AGBL4: variants seen among roughly 807,000 people sequenced by gnomAD.
AGBL4 encodes cytosolic carboxypeptidase 6.
In AGBL4, 58 loss-of-function variants were observed where a neutral mutation model predicts 66.4. The ratio of observed to expected loss-of-function variants is 0.87; its 90% CI spans 0.71 to 1.09. AGBL4 has a LOEUF of 1.09. AGBL4 is among the 50% of genes least tolerant of loss of function. AGBL4 has a pLI of 0.00. For missense variants in AGBL4, 579 were observed against 631.0 expected (o/e 0.92, Z 0.88); for synonymous variants, 234 against 222.9 (o/e 1.05, Z -0.44).
At chr1:48,808,882 C>A (rs1429203249) in intron 6 of AGBL4, among the ~76,000 whole-genome samples, 1 of 152,168 alleles carries the variant, frequency 6.6e-6, no homozygotes, top group Non-Finnish European at 1.5e-5. Context: ...CAGAAAGCTC[C>A]TTTTATATCT....
chr1:49,714,585 T>C (rs2124669254), intron 2 of AGBL4, among the ~76,000 whole-genome samples: 1 of 149,016 alleles, frequency 6.7e-6, no homozygotes, highest in Admixed American at 6.7e-5. Flanking sequence ...TATATATATA[T>C]ATATATATAC....
intron 3 of AGBL4, among the ~76,000 whole-genome samples, chr1:49,306,623 G>A (rs1220996210): frequency 6.6e-6 from 1 of 152,150 alleles, no homozygotes; most frequent in Non-Finnish European, 1.5e-5. Flanking sequence ...GATTGGCTCA[G>A]CTTGGGTCAG....
intron 11 of AGBL4, among the ~76,000 whole-genome samples, chr1:48,561,095 C>T (rs1241188829): frequency 6.6e-6 from 1 of 152,210 alleles, no homozygotes; most frequent in East Asian, 1.9e-4. Flanking sequence ...AAATTCTCTA[C>T]CTGCTAAATT....
chr1:48,952,572 A>T (rs1455920153), intron 5 of AGBL4, among the ~76,000 whole-genome samples: 1 of 152,228 alleles, frequency 6.6e-6, no homozygotes, highest in Non-Finnish European at 1.5e-5. Context: ...ATATTCTCGC[A>T]AACACACAAG....
chr1:49,493,264 A>T (rs1338980847), intron 3 of AGBL4, among the ~76,000 whole-genome samples: 1 of 151,994 alleles, frequency 6.6e-6, no homozygotes. Flanking sequence ...CAATTCCTTG[A>T]AATAGTTATT....
intron 4 of AGBL4, among the ~76,000 whole-genome samples, chr1:49,119,618 C>A (rs537380135): frequency 6.6e-6 from 1 of 152,232 alleles, no homozygotes; most frequent in East Asian, 1.9e-4. Flanking sequence ...TTACTTCCAA[C>A]TATGTGGTCA....
chr1:49,615,927 C>T (rs11205633), intron 3 of AGBL4, among the ~76,000 whole-genome samples: 104,384 of 151,952 alleles, frequency 0.69, 36,632 homozygotes, highest in African/African-American at 0.78. Flanking sequence ...CACTATTTAG[C>T]TGGGCACACA....
At chr1:48,940,187 G>A (rs1219483836) in intron 5 of AGBL4, among the ~76,000 whole-genome samples, 1 of 152,174 alleles carries the variant, frequency 6.6e-6, no homozygotes, top group Non-Finnish European at 1.5e-5. Context: ...AAACCAGCCT[G>A]GCCAACATGG....
intron 4 of AGBL4, among the ~76,000 whole-genome samples, chr1:49,053,229 T>C (rs1344236829): frequency 6.6e-6 from 1 of 151,978 alleles, no homozygotes; most frequent in Non-Finnish European, 1.5e-5. Flanking sequence ...AAAGTGAAAA[T>C]GGATGGGGTC....
At chr1:49,133,898 T>A (rs1356743566) in intron 4 of AGBL4, among the ~76,000 whole-genome samples, 2 of 152,110 alleles carry the variant, frequency 1.3e-5, no homozygotes, top group Non-Finnish European at 2.9e-5. Context: ...TGTATACCAA[T>A]ACATATGTAT....
chr1:49,245,933 G>T, intron 3 of AGBL4, 69 bp from the exon 4 acceptor site: 1 of 1,211,192 alleles, frequency 8.3e-7, no homozygotes, highest in Non-Finnish European at 1.2e-6. Context: ...AATTAAGACA[G>T]GAAATAAGAA....
Position 49,956,574 on chromosome 1 carries a change from T to C in AGBL4, c.34+67189A>G, listed in dbSNP as rs544367654. 7.2e-5 allele frequency among the ~76,000 whole-genome samples: 11 copies of C among 152,034 alleles called. No individual in the cohort carries two copies. The South Asian group carries it at 2.1e-3, about 29-fold the overall frequency. ...ACTTAGTATGCTAGGAAGCAAACACTGACATTAGAAAACTTTGTTTTGCAA... is the reference window on the plus strand; with the variant it reads ...ACTTAGTATGCTAGGAAGCAAACACCGACATTAGAAAACTTTGTTTTGCAA... On this transcript the variant is annotated intron_variant, in intron 1 of 13. Transcript: ENST00000371839.
intron 4 of AGBL4, among the ~76,000 whole-genome samples, chr1:49,158,576 A>G (rs926364082): frequency 6.6e-6 from 1 of 152,016 alleles, no homozygotes; most frequent in Non-Finnish European, 1.5e-5. Context: ...GTAGATGTCT[A>G]TTATTTTTGC....
intron 2 of AGBL4, among the ~76,000 whole-genome samples, chr1:49,807,599 T>C (rs1030777175): frequency 6.6e-6 from 1 of 152,218 alleles, no homozygotes; most frequent in Non-Finnish European, 1.5e-5. Flanking sequence ...GATGAGACTC[T>C]GGACTTTTGA....
At chr1:49,871,891 T>A (rs946018175) in intron 1 of AGBL4, among the ~76,000 whole-genome samples, 1 of 152,050 alleles carries the variant, frequency 6.6e-6, no homozygotes, top group African/African-American at 2.4e-5. Context: ...GATCCTTGTA[T>A]AGAGGAGTTT....
chr1:49,633,131 T>C (rs1346644174), intron 3 of AGBL4, among the ~76,000 whole-genome samples: 2 of 125,774 alleles, frequency 1.6e-5, no homozygotes, highest in African/African-American at 6.1e-5. Flanking sequence ...AGAAATGAAA[T>C]ACCAAAAACA....
chr1:48,634,424 C>T, intron 9 of AGBL4, 69 bp downstream of exon 9: 1 of 1,326,954 alleles, frequency 7.5e-7, no homozygotes, highest in Non-Finnish European at 1.0e-6. Context: ...TGGACTTTCC[C>T]AATACAATGC....
intron 4 of AGBL4, among the ~76,000 whole-genome samples, chr1:49,069,980 TTC>T (rs1396118491): frequency 2.0e-5 from 3 of 151,978 alleles, no homozygotes; most frequent in Non-Finnish European, 4.4e-5. Flanking sequence ...AGATATTTTA[TTC>T]TCTTTGTAGC....
At chr1:50,014,511 C>T (rs1661801352) in intron 1 of AGBL4, among the ~76,000 whole-genome samples, 1 of 151,608 alleles carries the variant, frequency 6.6e-6, no homozygotes, top group South Asian at 2.1e-4. Flanking sequence ...CTAAATAGAC[C>T]TCATAACTAA....
Sources: allele counts gnomAD v4.1 joint callset (sites outside exome capture counted in the v4.1 genomes callset), GRCh38; gene constraint gnomAD v4.1.1; transcripts MANE v1.5; gene names NCBI Gene and HGNC (gene_info 2026-07-23, HGNC 2026-07-21).